Variants in EPM2A observed in about 807,000 individuals in gnomAD.
EPM2A encodes the protein laforin.
In EPM2A, 21 loss-of-function variants were observed where a neutral mutation model predicts 26.5. The observed-to-expected ratio is 0.79, with a 90% CI of 0.56 to 1.14. EPM2A has a LOEUF of 1.14. Ranked by LOEUF, EPM2A falls within the 50% of genes most tolerant of loss-of-function variation. The pLI is 0.00. For synonymous variants in EPM2A, 217 were observed against 177.6 expected (o/e 1.22, Z -1.76); for missense variants, 458 against 440.8 (o/e 1.04, Z -0.35).
At chr6:145,407,068 C>T (rs907761948) in intron 4 of EPM2A, among the ~76,000 whole-genome samples, 2 of 151,988 alleles carry the variant, frequency 1.3e-5, no homozygotes, top group East Asian at 1.9e-4. Flanking sequence ...AGATGCTGAC[C>T]GTGCGATCCC....
intron 4 of EPM2A, among the ~76,000 whole-genome samples, chr6:145,395,056 C>T (rs1778386690): frequency 6.6e-6 from 1 of 152,136 alleles, no homozygotes; most frequent in Admixed American, 6.6e-5. Context: ...TATTAAGTTT[C>T]ACAGACATCT....
At chr6:145,709,175 C>A (rs1016180352) in intron 1 of EPM2A, among the ~76,000 whole-genome samples, 9 of 152,080 alleles carry the variant, frequency 5.9e-5, no homozygotes, top group Non-Finnish European at 8.8e-5. Context: ...GGACTGTGGA[C>A]TTTTGAGTTA....
At chr6:145,590,639 T>C (rs1283600358) in intron 2 of EPM2A, among the ~76,000 whole-genome samples, 1 of 152,100 alleles carries the variant, frequency 6.6e-6, no homozygotes, top group Admixed American at 6.6e-5. Context: ...GTAAACTTCT[T>C]AGGGAATTCT....
At chr6:145,540,986 C>T (rs1209474663) in intron 2 of EPM2A, among the ~76,000 whole-genome samples, 21 of 152,084 alleles carry the variant, frequency 1.4e-4, no homozygotes, top group Admixed American at 1.3e-3. Context: ...AACTGGCAGC[C>T]TTTTCAATTG....
At chr6:145,505,730 G>A (rs1779963325) in intron 2 of EPM2A, among the ~76,000 whole-genome samples, 1 of 151,940 alleles carries the variant, frequency 6.6e-6, no homozygotes, top group Non-Finnish European at 1.5e-5. Flanking sequence ...TACCACTGTA[G>A]GACCATATAT....
intron 2 of EPM2A, among the ~76,000 whole-genome samples, chr6:145,512,385 T>C (rs1780066285): frequency 6.6e-6 from 1 of 152,054 alleles, no homozygotes; most frequent in Admixed American, 6.6e-5. Flanking sequence ...ACCATGGTAC[T>C]GGTACTAAAA....
intron 2 of EPM2A, among the ~76,000 whole-genome samples, chr6:145,586,876 C>T (rs191126884): frequency 3.8e-4 from 58 of 152,232 alleles, no homozygotes; most frequent in African/African-American, 8.9e-4. Context: ...TGGTCCTTAC[C>T]GGCAATCTCC....
chr6:145,395,946 C>T (rs1344578268), intron 4 of EPM2A, among the ~76,000 whole-genome samples: 1 of 152,108 alleles, frequency 6.6e-6, no homozygotes, highest in Non-Finnish European at 1.5e-5. Context: ...TGCCCTCACT[C>T]AAGCCTGTCC....
chr6:145,572,390 T>C (rs991260333), intron 2 of EPM2A, among the ~76,000 whole-genome samples: 1 of 152,176 alleles, frequency 6.6e-6, no homozygotes, highest in African/African-American at 2.4e-5. Flanking sequence ...CTCATGTAAC[T>C]TACTTGTGCC....
At chr6:145,733,176 T>C (rs905599680) in intron 1 of EPM2A, among the ~76,000 whole-genome samples, 28 of 152,208 alleles carry the variant, frequency 1.8e-4, no homozygotes, top group Non-Finnish European at 1.5e-4. Context: ...GAAATTGTAA[T>C]ATTTTTCTTA....
At chr6:145,452,089 T>C (rs1032488927) in intron 4 of EPM2A, among the ~76,000 whole-genome samples, 13 of 152,216 alleles carry the variant, frequency 8.5e-5, no homozygotes, top group Non-Finnish European at 1.8e-4. Flanking sequence ...CCTGGCTCTC[T>C]TAACAGTTGC....
In EPM2A at chr6:145,627,311, C is replaced by A; in HGVS notation, c.*105G>T. The A allele has an allele frequency of 6.3e-7, 1 of 1,595,684 alleles. No individual in the cohort carries two copies. The highest frequency in any genetic ancestry group is 8.5e-7 in the Non-Finnish European group (1 of 1,176,964). The stretch of plus-strand genomic sequence containing the variant: ...AAAGTGGTTGGCTTGGGGGAGGTCA[C>A]ACAGTCCTTTCAGTTCAGGTAGAAT... On this transcript the variant is annotated 3_prime_UTR_variant, in exon 4 of 4. Transcript: ENST00000367519.
chr6:145,443,065 G>T (rs1376157307), intron 4 of EPM2A, among the ~76,000 whole-genome samples: 1 of 151,918 alleles, frequency 6.6e-6, no homozygotes, highest in Admixed American at 6.6e-5. Context: ...TAGAGATGGG[G>T]TTTCACCATG....
intron 2 of EPM2A, among the ~76,000 whole-genome samples, chr6:145,565,382 T>A (rs1276066769): frequency 6.6e-6 from 1 of 152,156 alleles, no homozygotes; most frequent in Non-Finnish European, 1.5e-5. Flanking sequence ...TCTTCACCTA[T>A]GAACTCAAAT....
intron 1 of EPM2A, among the ~76,000 whole-genome samples, chr6:145,689,626 AC>A (rs1781147723): frequency 6.6e-6 from 1 of 152,236 alleles, no homozygotes; most frequent in Non-Finnish European, 1.5e-5. Flanking sequence ...AAATGAAAAG[AC>A]AAGCCTAGCC....
intron 2 of EPM2A, among the ~76,000 whole-genome samples, chr6:145,671,842 TTACAA>T (rs1447452218): frequency 2.0e-5 from 3 of 152,348 alleles, no homozygotes; most frequent in African/African-American, 7.2e-5. Flanking sequence ...AAACATGCTT[TTACAA>T]TACATTTTCT....
chr6:145,614,607 A>G (rs1487035802), intron 2 of EPM2A, among the ~76,000 whole-genome samples: 1 of 152,198 alleles, frequency 6.6e-6, no homozygotes, highest in African/African-American at 2.4e-5. Flanking sequence ...AGAGTTATTA[A>G]CTGGCTTAAT....
At chr6:145,505,108 G>T (rs1367714791) in intron 2 of EPM2A, among the ~76,000 whole-genome samples, 1 of 117,422 alleles carries the variant, frequency 8.5e-6, no homozygotes, top group African/African-American at 3.2e-5. Context: ...GGTGGGGGGA[G>T]GGGGGAGGGA....
chr6:145,663,818 G>C, intron 2 of EPM2A, among the ~76,000 whole-genome samples: 1 of 103,882 alleles, frequency 9.6e-6, no homozygotes, highest in Admixed American at 1.2e-4. Context: ...CGGATCTCTC[G>C]GCAGAAACCC....
Sources: allele counts gnomAD v4.1 joint callset (sites outside exome capture counted in the v4.1 genomes callset), GRCh38; gene constraint gnomAD v4.1.1; transcripts MANE v1.5; gene names NCBI Gene and HGNC (gene_info 2026-07-23, HGNC 2026-07-21).